FGF12: variants seen among roughly 807,000 people sequenced by gnomAD.
FGF12 encodes the protein fibroblast growth factor 12.
FGF12 carries 14 observed loss-of-function variants against 23.6 expected under a neutral mutation model. That is an observed-to-expected ratio of 0.59 (90% confidence interval 0.39 to 0.93). The LOEUF is 0.93. Among genes scored for constraint, FGF12 ranks in the 40% least tolerant of loss-of-function variants. The pLI, the probability that FGF12 is intolerant of heterozygous loss-of-function variation, is 0.00. For synonymous variants in FGF12, 62 were observed against 77.3 expected (o/e 0.80, Z 1.04); for missense variants, 175 against 217.8 (o/e 0.80, Z 1.24).
rs1577166564 is a variant in FGF12 at position 192,142,350 on chromosome 3, A to G, written c.*1659T>C. Reference sequence around the variant, plus strand: ...GGCAAGGTTTGAGGTGAGGGCCTAGAGCTTCTGCAAAGTGTATATATTTTA... The same window carrying G: ...GGCAAGGTTTGAGGTGAGGGCCTAGGGCTTCTGCAAAGTGTATATATTTTA... On this transcript the variant is annotated 3_prime_UTR_variant, in exon 6 of 6. Transcript: ENST00000445105. The G allele has an allele frequency of 6.6e-6, 1 of 152,550 alleles. No individual in the cohort carries two copies. Among genetic ancestry groups the G allele is most frequent in the African/African-American group, 2.4e-5 (1 of 41,440 alleles). The allele number at this position is 152,550 out of a possible 1,614,324, so 9.4% of individuals were successfully genotyped here. A position where few individuals can be genotyped will look rare whatever the true frequency, so the allele number is the denominator to read the frequency against.
At chr3:192,373,079 T>C (rs1172031160) in intron 2 of FGF12, among the ~76,000 whole-genome samples, 1 of 152,162 alleles carries the variant, frequency 6.6e-6, no homozygotes, top group Non-Finnish European at 1.5e-5. Context: ...TTTGTACAGA[T>C]ATTATCTGGC....
intron 2 of FGF12, among the ~76,000 whole-genome samples, chr3:192,711,818 C>G (rs1322787346): frequency 6.6e-6 from 1 of 151,900 alleles, no homozygotes; most frequent in Non-Finnish European, 1.5e-5. Flanking sequence ...GCGGAAGTTC[C>G]CAGGGTCCTC....
chr3:192,669,824 G>A (rs1717043907), intron 2 of FGF12, among the ~76,000 whole-genome samples: 1 of 152,074 alleles, frequency 6.6e-6, no homozygotes, highest in African/African-American at 2.4e-5. Context: ...ACATACGAAA[G>A]AGCTGCATGA....
intron 2 of FGF12, among the ~76,000 whole-genome samples, chr3:192,558,178 A>G (rs1421720137): frequency 2.6e-5 from 4 of 152,048 alleles, no homozygotes; most frequent in South Asian, 4.1e-4. Context: ...AGAAAATTCT[A>G]AAGTGCATAT....
At chr3:192,440,869 C>A (rs2108796337) in intron 2 of FGF12, among the ~76,000 whole-genome samples, 1 of 152,314 alleles carries the variant, frequency 6.6e-6, no homozygotes, top group East Asian at 1.9e-4. Context: ...GGTGATGACA[C>A]TTAACTTGCA....
chr3:192,528,926 C>G (rs1041596964), intron 2 of FGF12, among the ~76,000 whole-genome samples: 2 of 152,168 alleles, frequency 1.3e-5, no homozygotes, highest in Non-Finnish European at 2.9e-5. Context: ...CTCACAAAAC[C>G]ACGTTTTCCT....
At chr3:192,365,966 G>T (rs1417982142) in intron 2 of FGF12, among the ~76,000 whole-genome samples, 1 of 129,844 alleles carries the variant, frequency 7.7e-6, no homozygotes, top group Admixed American at 8.3e-5. Flanking sequence ...TACTTCATTA[G>T]CTTCAAAGGT....
At chr3:192,694,284 G>A (rs565786565) in intron 2 of FGF12, among the ~76,000 whole-genome samples, 12 of 152,222 alleles carry the variant, frequency 7.9e-5, no homozygotes, top group East Asian at 1.9e-4. Context: ...ACAGTTATAC[G>A]TTGTTAGTGG....
At chr3:192,582,126 T>C (rs1296400463) in intron 2 of FGF12, among the ~76,000 whole-genome samples, 1 of 152,228 alleles carries the variant, frequency 6.6e-6, no homozygotes, top group Non-Finnish European at 1.5e-5. Flanking sequence ...CATTACACTT[T>C]GCATTTTATT....
At chr3:192,250,186 A>C (rs577550224) in intron 4 of FGF12, among the ~76,000 whole-genome samples, 4 of 152,268 alleles carry the variant, frequency 2.6e-5, no homozygotes, top group African/African-American at 9.6e-5. Context: ...GGTATGCCTA[A>C]ATTTGCCTTT....
intron 2 of FGF12, among the ~76,000 whole-genome samples, chr3:192,363,455 C>A (rs565695923): frequency 6.6e-6 from 1 of 152,084 alleles, no homozygotes; most frequent in African/African-American, 2.4e-5. Context: ...ACTCTGAGCA[C>A]CCATCTCTGA....
intron 2 of FGF12, among the ~76,000 whole-genome samples, chr3:192,599,364 A>G (rs1236290731): frequency 6.6e-6 from 1 of 151,816 alleles, no homozygotes; most frequent in African/African-American, 2.4e-5. Flanking sequence ...ATCTTCAGTA[A>G]GTTAACTTCT....
At chr3:192,247,650 T>A (rs183576462) in intron 4 of FGF12, among the ~76,000 whole-genome samples, 2 of 152,170 alleles carry the variant, frequency 1.3e-5, no homozygotes, top group Non-Finnish European at 2.9e-5. Flanking sequence ...AATCATTTCA[T>A]TATATAGTTA....
intron 2 of FGF12, among the ~76,000 whole-genome samples, chr3:192,564,149 C>T (rs975628553): frequency 1.2e-4 from 19 of 152,052 alleles, no homozygotes; most frequent in African/African-American, 4.1e-4. Flanking sequence ...CTGCAATCTC[C>T]GCCTCTTGGG....
At chr3:192,661,067 G>T (rs994210927) in intron 2 of FGF12, among the ~76,000 whole-genome samples, 1 of 151,998 alleles carries the variant, frequency 6.6e-6, no homozygotes, top group African/African-American at 2.4e-5. Flanking sequence ...GAAATGGTAC[G>T]CTTGTTAAGG....
At chr3:192,626,008 G>GTA (rs1715154567) in intron 2 of FGF12, among the ~76,000 whole-genome samples, 2 of 152,184 alleles carry the variant, frequency 1.3e-5, no homozygotes, top group Non-Finnish European at 2.9e-5. Flanking sequence ...CCCACATTCT[G>GTA]TAGCTTCTTA....
At chr3:192,597,579 T>A (rs563188684) in intron 2 of FGF12, among the ~76,000 whole-genome samples, 1 of 152,294 alleles carries the variant, frequency 6.6e-6, no homozygotes, top group Non-Finnish European at 1.5e-5. Flanking sequence ...CAAGTGTAAG[T>A]GGCATGAAAG....
At position 192,190,468 on chromosome 3, in the gene FGF12, C is replaced by CTTTTTTTTT. The variant is rs34108891; in HGVS notation, c.229-19821_229-19813dup. 4.4e-4 allele frequency among the ~76,000 whole-genome samples: 39 copies of CTTTTTTTTT among 89,132 alleles called. 2 individuals are homozygous for CTTTTTTTTT. The highest frequency in any genetic ancestry group is 8.3e-4 in the African/African-American group (19 of 22,928). The allele number at this position is 89,132 out of a possible 152,430, so 58.5% of individuals were successfully genotyped here. On this transcript the variant is annotated intron_variant, in intron 4 of 5. Transcript: ENST00000445105. Reference sequence around the variant, plus strand: ...TCTGACAATCTGTAAGCCCAATACTCTTTTTTTTTTTTTTTTTTTTTTTTT... The same window carrying CTTTTTTTTT: ...TCTGACAATCTGTAAGCCCAATACTCTTTTTTTTTTTTTTTTTTTTTTTTTTTTTTTTTT...
chr3:192,665,499 C>T (rs2108687878), intron 2 of FGF12, among the ~76,000 whole-genome samples: 1 of 150,314 alleles, frequency 6.7e-6, no homozygotes, highest in South Asian at 2.1e-4. Flanking sequence ...TCTCAGCAAG[C>T]TAACACAAGG....
Sources: allele counts gnomAD v4.1 joint callset (sites outside exome capture counted in the v4.1 genomes callset), GRCh38; gene constraint gnomAD v4.1.1; transcripts MANE v1.5; gene names NCBI Gene and HGNC (gene_info 2026-07-23, HGNC 2026-07-21).